The following SERHL2 variants were observed in gnomAD, a reference collection of about 807,000 sequenced individuals.
The protein encoded by SERHL2 is serine hydrolase-like protein 2.
A neutral mutation model predicts 25.5 loss-of-function variants in SERHL2; 29 were observed. The ratio of observed to expected loss-of-function variants is 1.14; its 90% CI spans 0.85 to 1.55. The LOEUF (loss-of-function observed/expected upper bound fraction) is 1.55, where lower values mean the gene tolerates loss of function less well. Among genes scored for constraint, SERHL2 ranks in the 40% most tolerant of loss-of-function variants. The probability of loss-of-function intolerance (pLI) is 0.00; values close to 1 mark genes in which losing one functional copy is unlikely to be tolerated. For missense variants in SERHL2, 240 were observed against 252.3 expected, an observed-to-expected ratio of 0.95 and a Z score of 0.33; for synonymous variants, 95 against 103.5, an observed-to-expected ratio of 0.92 and a Z score of 0.50.
At chr22:42,571,303 T>G in intron 10 of SERHL2, 100 bp downstream of exon 10, 1 of 1,572,532 alleles carries the variant, frequency 6.4e-7, no homozygotes. Flanking sequence ...GTTCTCTGCG[T>G]GTCGACCACA....
chr22:42,567,612 C>T (rs531786634), intron 9 of SERHL2, among the ~76,000 whole-genome samples: 7 of 150,906 alleles, frequency 4.6e-5, no homozygotes, highest in South Asian at 4.2e-4. Flanking sequence ...TGCAGTGAGC[C>T]GAGATTGCGC....
chr22:42,560,749 C>T (rs1010915173), intron 8 of SERHL2, among the ~76,000 whole-genome samples: 1 of 151,772 alleles, frequency 6.6e-6, no homozygotes, highest in African/African-American at 2.4e-5. Context: ...GTTCTTTTTT[C>T]TTATGAGACA....
intron 1 of SERHL2, 156 bp downstream of exon 1, chr22:42,554,198 C>G: frequency 3.2e-6 from 3 of 932,970 alleles, no homozygotes; most frequent in Non-Finnish European, 4.8e-6. Context: ...AGAGCGCGAC[C>G]GGCCAGGAGT....
intron 8 of SERHL2, among the ~76,000 whole-genome samples, chr22:42,566,016 G>A (rs1229496978): frequency 3.3e-5 from 5 of 152,004 alleles, no homozygotes; most frequent in Middle Eastern, 3.2e-3. Flanking sequence ...GAGCTCCACC[G>A]TCCACGAGGC....
At chr22:42,560,574 G>A (rs768298869) in intron 8 of SERHL2, among the ~76,000 whole-genome samples, 2 of 151,960 alleles carry the variant, frequency 1.3e-5, no homozygotes, top group Non-Finnish European at 2.9e-5. Flanking sequence ...TCTGGGGTGG[G>A]TGCCCAGCGC....
chr22:42,568,468 T>C (rs1430026565), intron 9 of SERHL2, among the ~76,000 whole-genome samples: 1 of 151,956 alleles, frequency 6.6e-6, no homozygotes, highest in Non-Finnish European at 1.5e-5. Flanking sequence ...ATCTGGCTTT[T>C]GGAGATGCCC....
Position 42,572,757 on chromosome 22 carries a change from C to T in SERHL2, c.825+228C>T, listed in dbSNP as rs189609343. On this transcript the variant is annotated intron_variant, in intron 11 of 11. Transcript: ENST00000327678. ...GAGACCTTTGGTGGGGAACCCCTGC[C>T]AGGTTCAAGCTACTCTCGTGCCTCA... is the stretch of plus-strand genomic sequence containing the variant. 2.1e-4 allele frequency: 207 copies of T among 981,434 alleles called. 5 individuals carry two copies. In the Middle Eastern group the frequency reaches 3.1e-3, roughly 15 times the overall value. The allele number at this position is 981,434 out of a possible 1,614,324, so 60.8% of individuals were successfully genotyped here. A position where few individuals can be genotyped will look rare whatever the true frequency, so the allele number is the denominator to read the frequency against.
intron 11 of SERHL2, chr22:42,573,638 T>TC: frequency 2.7e-6 from 1 of 366,714 alleles, no homozygotes; most frequent in Non-Finnish European, 5.0e-6. Flanking sequence ...CACGGGTACC[T>TC]CTTCTGATAC....
At chr22:42,571,897 G>C (rs1924253743) in intron 10 of SERHL2, 1 of 135,194 alleles carries the variant, frequency 7.4e-6, no homozygotes, top group Admixed American at 7.9e-5. Context: ...CAGAGACAAA[G>C]CCAGGTCATG....
At chr22:42,563,182 CTTTTTT>C (rs916641877) in intron 8 of SERHL2, among the ~76,000 whole-genome samples, 2 of 125,708 alleles carry the variant, frequency 1.6e-5, no homozygotes, top group Non-Finnish European at 1.6e-5. Context: ...CTGGCTTTTT[CTTTTTT>C]TCTTTTTTTT....
At chr22:42,560,628 G>A (rs1000743025) in intron 8 of SERHL2, among the ~76,000 whole-genome samples, 2 of 151,992 alleles carry the variant, frequency 1.3e-5, no homozygotes, top group Non-Finnish European at 2.9e-5. Flanking sequence ...AGTGACTTGG[G>A]AGAGGCTTTT....
intron 8 of SERHL2, among the ~76,000 whole-genome samples, chr22:42,560,698 T>C (rs557767257): frequency 3.9e-5 from 6 of 152,040 alleles, no homozygotes; most frequent in African/African-American, 1.4e-4. Flanking sequence ...GCACAAGCGA[T>C]TTGTGTACTT....
chr22:42,567,326 T>G (rs549792957), intron 9 of SERHL2, among the ~76,000 whole-genome samples: 190 of 152,138 alleles, frequency 1.2e-3, no homozygotes, highest in Non-Finnish European at 1.3e-3. Flanking sequence ...TGGTGTCAGA[T>G]AGTGATTCAT....
intron 11 of SERHL2, among the ~76,000 whole-genome samples, chr22:42,573,067 G>A (rs1359217580): frequency 6.6e-6 from 1 of 151,830 alleles, no homozygotes; most frequent in African/African-American, 2.4e-5. Context: ...GCTGTAGGCA[G>A]AGGTGGCTTT....
At chr22:42,566,367 C>G (rs768417051) in intron 9 of SERHL2, 29 bp downstream of exon 9, 5 of 1,608,292 alleles carry the variant, frequency 3.1e-6, no homozygotes, top group African/African-American at 2.7e-5. Context: ...GGGTCCCCCG[C>G]CAAGGTTTGC....
chr22:42,565,826 TATATC>T (rs1923300627), intron 8 of SERHL2, among the ~76,000 whole-genome samples: 2 of 151,964 alleles, frequency 1.3e-5, no homozygotes, highest in East Asian at 3.9e-4. Flanking sequence ...ATCTTGTTGG[TATATC>T]ATATATGTAT....
At chr22:42,564,657 C>T (rs1395266709) in intron 8 of SERHL2, among the ~76,000 whole-genome samples, 2 of 151,860 alleles carry the variant, frequency 1.3e-5, no homozygotes, top group East Asian at 3.9e-4. Flanking sequence ...TCTCGAACTC[C>T]TGACCTCAGG....
chr22:42,560,573 G>GT (rs1487455052), intron 8 of SERHL2, among the ~76,000 whole-genome samples: 1 of 151,908 alleles, frequency 6.6e-6, no homozygotes, highest in Non-Finnish European at 1.5e-5. Flanking sequence ...ATCTGGGGTG[G>GT]GTGCCCAGCG....
chr22:42,574,270 T>C lies in SERHL2; in HGVS notation c.*215T>C, dbSNP rs145885945. 6.0e-5 allele frequency: 34 copies of C among 571,080 alleles called. 1 individual carries two copies. The highest frequency in any genetic ancestry group is 5.0e-4 in the African/African-American group (26 of 52,340). 35.4% of individuals were successfully genotyped at this position (571,080 alleles called of 1,614,324 possible). A position where few individuals can be genotyped will look rare whatever the true frequency, so the allele number is the denominator to read the frequency against. ...GAGTCTGGGTTCCAGGGCTGCTTTC[T>C]CCTGGCTAATAATAAATATCCAGCC... On this transcript the variant is annotated 3_prime_UTR_variant, in exon 12 of 12. Coordinates refer to ENST00000327678, the MANE Select transcript of SERHL2 (RefSeq NM_014509.5).
Sources: allele counts gnomAD v4.1 joint callset (sites outside exome capture counted in the v4.1 genomes callset), GRCh38; gene constraint gnomAD v4.1.1; transcripts MANE v1.5; gene names NCBI Gene and HGNC (gene_info 2026-07-23, HGNC 2026-07-21).